SGIP1: variants seen among roughly 807,000 people sequenced by gnomAD.
SGIP1 encodes SH3-containing GRB2-like protein 3-interacting protein 1.
Under a neutral mutation model 107.5 loss-of-function variants are expected in SGIP1, and 38 were observed. That is an observed-to-expected ratio of 0.35 (90% CI 0.27 to 0.46). The LOEUF is 0.46. Among genes scored for constraint, SGIP1 ranks in the 20% least tolerant of loss-of-function variants. The probability of loss-of-function intolerance (pLI) is 1.00; values close to 1 mark genes in which losing one functional copy is unlikely to be tolerated. For synonymous variants in SGIP1, 365 were observed against 366.1 expected, an observed-to-expected ratio of 1.00 and a Z score of 0.03; for missense variants, 929 against 1,019.5, an observed-to-expected ratio of 0.91 and a Z score of 1.21.
rs143123684 is a variant in SGIP1, at chr1:66,643,581, G to T, written c.321G>T (p.Ser107=). The T allele has an allele frequency of 1.9e-6, 3 of 1,607,996 alleles. No individual in the cohort carries two copies. Among genetic ancestry groups the T allele is most frequent in the Non-Finnish European group, 2.5e-6 (3 of 1,177,272 alleles). Residue 107 remains serine, a synonymous_variant, in exon 7 of 25, where the codon TCG becomes TCT. Transcript: ENST00000371037. Reference sequence around the variant, plus strand: ...AGCACTTTTATTCTTCAAGTGAATCGGAAGAAGAAGAAGAATCACATAAGA... The same window carrying T: ...AGCACTTTTATTCTTCAAGTGAATCTGAAGAAGAAGAAGAATCACATAAGA... ...KGKHFYSSSE[S]EEEEESHKKF...
chr1:66,698,102 T>A (rs1269702214), intron 18 of SGIP1, among the ~76,000 whole-genome samples: 10 of 152,332 alleles, frequency 6.6e-5, no homozygotes, highest in Middle Eastern at 3.4e-3. Context: ...GTTCTTACAA[T>A]GCTTTAGATA....
At chr1:66,638,971 G>C (rs1162285620) in intron 4 of SGIP1, among the ~76,000 whole-genome samples, 2 of 152,180 alleles carry the variant, frequency 1.3e-5, no homozygotes, top group Non-Finnish European at 2.9e-5. Context: ...TTTGTCGTTT[G>C]CTCACAAGAC....
At chr1:66,645,996 A>G (rs776247311) in intron 7 of SGIP1, among the ~76,000 whole-genome samples, 1 of 152,028 alleles carries the variant, frequency 6.6e-6, no homozygotes, top group Non-Finnish European at 1.5e-5. Context: ...ACGTGCCACC[A>G]TGCCTGGCTA....
At chr1:66,618,505 G>T (rs944015643) in intron 1 of SGIP1, among the ~76,000 whole-genome samples, 1 of 152,174 alleles carries the variant, frequency 6.6e-6, no homozygotes, top group African/African-American at 2.4e-5. Context: ...TAATCATCAT[G>T]ACCATTCTGA....
intron 1 of SGIP1, among the ~76,000 whole-genome samples, chr1:66,587,643 C>T (rs556502389): frequency 6.6e-6 from 1 of 152,222 alleles, no homozygotes; most frequent in Admixed American, 6.5e-5. Context: ...ACTGCCAGTG[C>T]TTATGTGAAC....
At chr1:66,593,808 C>A (rs61798704) in intron 1 of SGIP1, among the ~76,000 whole-genome samples, 7,387 of 152,136 alleles carry the variant, frequency 0.049, 301 homozygotes, top group Non-Finnish European at 0.071. Flanking sequence ...CGGCCCATTT[C>A]GGGTCCTCAT....
intron 14 of SGIP1, 75 bp downstream of exon 14, chr1:66,679,827 G>A: frequency 7.4e-7 from 1 of 1,358,718 alleles, no homozygotes; most frequent in Non-Finnish European, 9.9e-7. Context: ...TGCCCTTGAT[G>A]TGTTGAAAAC....
At chr1:66,717,065 G>T (rs574579806) in intron 18 of SGIP1, among the ~76,000 whole-genome samples, 4 of 152,162 alleles carry the variant, frequency 2.6e-5, no homozygotes, top group African/African-American at 7.2e-5. Flanking sequence ...AACTTTCCCT[G>T]ACCTATACAA....
At chr1:66,612,348 A>C (rs1001338316) in intron 1 of SGIP1, among the ~76,000 whole-genome samples, 1 of 152,270 alleles carries the variant, frequency 6.6e-6, no homozygotes, top group African/African-American at 2.4e-5. Flanking sequence ...TCAAATGTCA[A>C]CATGAGATGT....
At chr1:66,582,201 C>T (rs1472749427) in intron 1 of SGIP1, among the ~76,000 whole-genome samples, 1 of 151,996 alleles carries the variant, frequency 6.6e-6, no homozygotes, top group Non-Finnish European at 1.5e-5. Context: ...TAAAAGGGCT[C>T]ATAAATTCTG....
chr1:66,739,322 G>A lies in SGIP1; in HGVS notation c.2032-13G>A, dbSNP rs1454600954. 1 of 1,605,324 alleles carries A rather than the reference G, an allele frequency of 6.2e-7. No homozygotes were observed. On this transcript the variant is annotated splice_polypyrimidine_tract_variant and intron_variant, in intron 21 of 24. Coordinates refer to ENST00000371037, the MANE Select transcript of SGIP1 (RefSeq NM_032291.4). ...GTCATATGTTGTTATTTTCTTTCCT[G>A]TCGTTCGGCAAGGTGTCTGCCCAGG...
intron 20 of SGIP1, among the ~76,000 whole-genome samples, chr1:66,732,505 C>T (rs2094059601): frequency 1.3e-5 from 2 of 152,120 alleles, no homozygotes; most frequent in African/African-American, 4.8e-5. Flanking sequence ...AGAGCTTTGC[C>T]TCATCCTCAA....
chr1:66,634,866 G>A (rs983888729), intron 3 of SGIP1, among the ~76,000 whole-genome samples: 15 of 152,064 alleles, frequency 9.9e-5, no homozygotes, highest in African/African-American at 3.6e-4. Context: ...ACTGAATTTT[G>A]GAAACCAGTG....
rs1324540581 is a variant in SGIP1 at position 66,744,412 on chromosome 1, T to C, written c.*1317T>C. 1 of 152,134 alleles carries C rather than the reference T, an allele frequency of 6.6e-6. No individual in the cohort carries two copies. The highest frequency in any genetic ancestry group is 1.5e-5 in the Non-Finnish European group (1 of 67,942). 9.4% of individuals were successfully genotyped at this position (152,134 alleles called of 1,614,324 possible). A position where few individuals can be genotyped will look rare whatever the true frequency, so the allele number is the denominator to read the frequency against. On this transcript the variant is annotated 3_prime_UTR_variant, in exon 25 of 25. Transcript: ENST00000371037. ...ATGAACATTTAGAAAGACAAACTTC[T>C]TCGGGAGTCTCAGTTGTAAAACCTT... is the stretch of plus-strand genomic sequence containing the variant.
At chr1:66,653,027 A>T (rs1032505072) in intron 7 of SGIP1, among the ~76,000 whole-genome samples, 3 of 152,168 alleles carry the variant, frequency 2.0e-5, no homozygotes, top group African/African-American at 7.2e-5. Flanking sequence ...CTCCATCCCC[A>T]AATCTTCCAC....
At chr1:66,546,573 T>G (rs1190007265) in intron 1 of SGIP1, among the ~76,000 whole-genome samples, 1 of 152,148 alleles carries the variant, frequency 6.6e-6, no homozygotes, top group East Asian at 1.9e-4. Flanking sequence ...TAGGCTTCAT[T>G]TATATATTGA....
At chr1:66,557,516 A>C (rs1187417097) in intron 1 of SGIP1, among the ~76,000 whole-genome samples, 1 of 151,338 alleles carries the variant, frequency 6.6e-6, no homozygotes, top group Non-Finnish European at 1.5e-5. Flanking sequence ...TCTCCTACAC[A>C]TGTTTGGGTC....
chr1:66,547,400 C>CT (rs1488114516), intron 1 of SGIP1, among the ~76,000 whole-genome samples: 1 of 152,130 alleles, frequency 6.6e-6, no homozygotes, highest in Non-Finnish European at 1.5e-5. Context: ...CTATCTTGGC[C>CT]TAGTTACAAA....
chr1:66,614,977 G>A (rs1327874775), intron 1 of SGIP1, among the ~76,000 whole-genome samples: 2 of 150,256 alleles, frequency 1.3e-5, no homozygotes, highest in African/African-American at 2.5e-5. Flanking sequence ...GTGCCACCAC[G>A]CCCGGCTAAT....
Sources: gnomAD v4.1 joint callset for allele counts (sites outside exome capture counted in the v4.1 genomes callset) on GRCh38, gnomAD v4.1.1 for gene constraint, MANE v1.5 for transcripts, NCBI Gene and HGNC (gene_info 2026-07-23, HGNC 2026-07-21) for gene names.